Variants in SDK1 observed in about 807,000 individuals in gnomAD.
SDK1 encodes sidekick cell adhesion molecule 1.
Under a neutral mutation model 245.5 loss-of-function variants are expected in SDK1, and 157 were observed. The ratio of observed to expected loss-of-function variants is 0.64; its 90% CI spans 0.56 to 0.73. The LOEUF (loss-of-function observed/expected upper bound fraction) is 0.73. SDK1 is among the 30% of genes least tolerant of loss of function. The pLI, the probability that SDK1 is intolerant of heterozygous loss-of-function variation, is 0.00. For synonymous variants in SDK1, 1,647 were observed against 1,278.5 expected, an observed-to-expected ratio of 1.29 and a Z score of -6.15; for missense variants, 3,583 against 3,002.3, an observed-to-expected ratio of 1.19 and a Z score of -4.52.
intron 1 of SDK1, among the ~76,000 whole-genome samples, chr7:3,529,899 G>T (rs1026399703): frequency 1.3e-5 from 2 of 152,100 alleles, no homozygotes; most frequent in Non-Finnish European, 2.9e-5. Context: ...GCCTGAGTCT[G>T]GGTACGAGAA....
intron 5 of SDK1, among the ~76,000 whole-genome samples, chr7:3,914,661 G>A (rs1779303977): frequency 6.6e-6 from 1 of 152,180 alleles, no homozygotes; most frequent in Admixed American, 6.5e-5. Flanking sequence ...TTTTTTGCTT[G>A]AGGACAGAGT....
At chr7:3,821,641 G>C in intron 5 of SDK1, 58 bp downstream of exon 5, 6 of 1,571,422 alleles carry the variant, frequency 3.8e-6, no homozygotes, top group South Asian at 2.3e-5. Flanking sequence ...GCTTTAATCA[G>C]TAACCACTGT....
At chr7:3,367,565 T>TA (rs1220439059) in intron 1 of SDK1, among the ~76,000 whole-genome samples, 2 of 152,230 alleles carry the variant, frequency 1.3e-5, no homozygotes, top group Non-Finnish European at 2.9e-5. Context: ...ATTATTTCTG[T>TA]AGAGTTGCAT....
At chr7:3,971,401 C>CA in intron 11 of SDK1, 65 bp from the exon 12 acceptor site, 2 of 1,088,676 alleles carry the variant, frequency 1.8e-6, no homozygotes, top group Non-Finnish European at 2.8e-6. Context: ...GGGCATTATC[C>CA]CCCCTGAGGG....
At chr7:4,165,561 C>T (rs1781451184) in intron 32 of SDK1, among the ~76,000 whole-genome samples, 1 of 151,990 alleles carries the variant, frequency 6.6e-6, no homozygotes, top group Non-Finnish European at 1.5e-5. Flanking sequence ...ACGATCTCGG[C>T]TCACTGCAAC....
chr7:4,160,773 A>G (rs1437978957), intron 31 of SDK1, among the ~76,000 whole-genome samples: 1 of 152,180 alleles, frequency 6.6e-6, no homozygotes, highest in East Asian at 1.9e-4. Flanking sequence ...CTGGAACCAC[A>G]GGAGGTTAAG....
chr7:3,392,654 T>G (rs901555192), intron 1 of SDK1, among the ~76,000 whole-genome samples: 2 of 152,180 alleles, frequency 1.3e-5, no homozygotes, highest in African/African-American at 4.8e-5. Context: ...TAATCTCCTT[T>G]TTGTCTTTAT....
Position 4,145,728 on chromosome 7 carries a change from A to T in SDK1, c.4235A>T (p.Gln1412Leu), listed in dbSNP as rs1248482589. ...EEPNGIILGY[Q>L]IAYRLASSSP... is the part of the protein sequence containing the mutation. ...CCATGTCACCTGCCTGCAGGGTACC[A>T]GATTGCCTACCGCCTGGCCAGCAGC... The change falls in exon 29 of 45, where the codon CAG (glutamine) becomes CTG (leucine). Residue 1412 changes from glutamine (Q) to leucine (L), a missense_variant. Gln to Leu is a moderately radical substitution (Grantham distance 113). Transcript: ENST00000404826. 8.7e-6 allele frequency: 14 copies of T among 1,605,206 alleles called. No individual in the cohort carries two copies. The highest frequency in any genetic ancestry group is 1.2e-5 in the Non-Finnish European group (14 of 1,175,790).
At position 3,547,964 on chromosome 7, in the gene SDK1, A is replaced by G. The variant is rs757875773; in HGVS notation, c.299-71116A>G. Among the ~76,000 whole-genome samples, 58 of 152,126 alleles carry G rather than the reference A, an allele frequency of 3.8e-4. 1 individual carries two copies. Among genetic ancestry groups the G allele is most frequent in the Admixed American group, 2.6e-3 (39 of 15,274 alleles). ...TGGAAAGCATAGTCAGTGTCTTTTA[A>G]CCTGATTCTTCCTTCTGTTCTTTTG... On this transcript the variant is annotated intron_variant, in intron 1 of 44. Coordinates refer to ENST00000404826, the MANE Select transcript of SDK1 (RefSeq NM_152744.4).
intron 1 of SDK1, among the ~76,000 whole-genome samples, chr7:3,546,458 T>A (rs1779229432): frequency 2.0e-5 from 3 of 152,254 alleles, no homozygotes; most frequent in Non-Finnish European, 4.4e-5. Flanking sequence ...TGAAGGTATC[T>A]TCTTACAATA....
At chr7:3,644,920 T>C (rs906097882) in intron 4 of SDK1, among the ~76,000 whole-genome samples, 1 of 150,560 alleles carries the variant, frequency 6.6e-6, no homozygotes, top group Admixed American at 6.6e-5. Context: ...TGGGGGAGAA[T>C]TGGTACCAGG....
intron 1 of SDK1, among the ~76,000 whole-genome samples, chr7:3,596,014 A>G (rs1688892547): frequency 6.7e-6 from 1 of 149,834 alleles, no homozygotes; most frequent in African/African-American, 2.5e-5. Context: ...AACATTTCAG[A>G]TAGTATTTAT....
chr7:4,099,228 G>T (rs1429598151), intron 22 of SDK1, among the ~76,000 whole-genome samples: 1 of 151,626 alleles, frequency 6.6e-6, no homozygotes, highest in Non-Finnish European at 1.5e-5. Flanking sequence ...TTAAAGTATA[G>T]ATCTTATTTT....
At chr7:3,893,031 G>C (rs975915839) in intron 5 of SDK1, among the ~76,000 whole-genome samples, 1 of 152,246 alleles carries the variant, frequency 6.6e-6, no homozygotes, top group African/African-American at 2.4e-5. Context: ...CAATTTGAGC[G>C]GGAAGCCCAG....
At chr7:3,374,192 T>G (rs1781296687) in intron 1 of SDK1, among the ~76,000 whole-genome samples, 2 of 152,220 alleles carry the variant, frequency 1.3e-5, no homozygotes, top group South Asian at 4.2e-4. Context: ...GAGCTGAGTC[T>G]GGAATCAGGA....
At chr7:3,760,736 A>C (rs1452288378) in intron 4 of SDK1, among the ~76,000 whole-genome samples, 1 of 152,170 alleles carries the variant, frequency 6.6e-6, no homozygotes, top group Non-Finnish European at 1.5e-5. Flanking sequence ...CCTGGCAACC[A>C]CTGATCTGTT....
At position 3,386,137 on chromosome 7, in the gene SDK1, T is replaced by C. The variant is rs981844978; in HGVS notation, c.298+84253T>C. Among the ~76,000 whole-genome samples, 4 of 152,206 alleles carry C rather than the reference T, an allele frequency of 2.6e-5. No homozygotes were observed. In the East Asian group the frequency reaches 5.8e-4, roughly 22 times the overall value. Reference sequence around the variant, plus strand: ...CCACTTATGTTAAAATTGATAACTTTAAAAAAAATTGGATAGCAGAAATAA... The same window carrying C: ...CCACTTATGTTAAAATTGATAACTTCAAAAAAAATTGGATAGCAGAAATAA... On this transcript the variant is annotated intron_variant, in intron 1 of 44. Coordinates refer to ENST00000404826, the MANE Select transcript of SDK1 (RefSeq NM_152744.4).
chr7:3,749,414 C>T (rs1307988793), intron 4 of SDK1, among the ~76,000 whole-genome samples: 1 of 152,216 alleles, frequency 6.6e-6, no homozygotes. Flanking sequence ...ATTCCCCTGC[C>T]TCAGCCTCCT....
Position 3,556,215 on chromosome 7 carries a change from C to T in SDK1, c.299-62865C>T, listed in dbSNP as rs530858415. ...ATAAAGAAAATGTGATACATATACA[C>T]GATGGAGTATATTCAGCCATAAAGA... On this transcript the variant is annotated intron_variant, in intron 1 of 44. Coordinates refer to ENST00000404826, the MANE Select transcript of SDK1 (RefSeq NM_152744.4). Among the ~76,000 whole-genome samples, 411 of 151,926 alleles carry T rather than the reference C, an allele frequency of 2.7e-3. 2 individuals are homozygous for T. Among genetic ancestry groups the T allele is most frequent in the African/African-American group, 9.4e-3 (390 of 41,462 alleles).
Sources: allele counts gnomAD v4.1 joint callset (sites outside exome capture counted in the v4.1 genomes callset), GRCh38; gene constraint gnomAD v4.1.1; transcripts MANE v1.5; gene names NCBI Gene and HGNC (gene_info 2026-07-23, HGNC 2026-07-21).